Variants in TENM2 observed in about 807,000 individuals in gnomAD.
TENM2 encodes teneurin transmembrane protein 2, also known as teneurin-2.
A neutral mutation model predicts 245.2 loss-of-function variants in TENM2; 52 were observed. The observed-to-expected ratio is 0.21, with a 90% CI of 0.17 to 0.27. The LOEUF (loss-of-function observed/expected upper bound fraction) is 0.27. Among genes scored for constraint, TENM2 ranks in the 10% least tolerant of loss-of-function variants. TENM2 has a pLI of 1.00. For missense variants in TENM2, 3,046 were observed against 3,666.8 expected (o/e 0.83, Z 4.37); for synonymous variants, 1,363 against 1,438.9 (o/e 0.95, Z 1.19).
chr5:168,191,400 C>T (rs1040565096), intron 14 of TENM2, among the ~76,000 whole-genome samples: 2 of 152,110 alleles, frequency 1.3e-5, no homozygotes, highest in Non-Finnish European at 2.9e-5. Context: ...ATGGCTTGGC[C>T]ATGCTTGATC....
At chr5:167,492,464 T>C (rs1338997590) in intron 2 of TENM2, among the ~76,000 whole-genome samples, 2 of 152,138 alleles carry the variant, frequency 1.3e-5, no homozygotes, top group African/African-American at 4.8e-5. Flanking sequence ...GAAGAATCAA[T>C]GGATGTTAGC....
chr5:167,902,840 ATTTG>A (rs1775815220), intron 3 of TENM2, among the ~76,000 whole-genome samples: 1 of 152,172 alleles, frequency 6.6e-6, no homozygotes, highest in African/African-American at 2.4e-5. Context: ...GGTTGGCTGT[ATTTG>A]TTCTGAACAG....
chr5:167,076,083 G>A, the TENM2 span, among the ~76,000 whole-genome samples: 1 of 152,076 alleles, frequency 6.6e-6, no homozygotes, highest in Non-Finnish European at 1.5e-5. Flanking sequence ...GTATCCTAAG[G>A]TATACAGCTT....
At chr5:168,092,149 T>C (rs1792998687) in intron 8 of TENM2, among the ~76,000 whole-genome samples, 1 of 152,230 alleles carries the variant, frequency 6.6e-6, no homozygotes, top group African/African-American at 2.4e-5. Flanking sequence ...TAATCCAACC[T>C]GAAATTCAGG....
At chr5:167,177,928 C>T in the TENM2 span, among the ~76,000 whole-genome samples, 1 of 152,196 alleles carries the variant, frequency 6.6e-6, no homozygotes, top group Admixed American at 6.5e-5. Flanking sequence ...CGCAAAGCCT[C>T]AAAGTCTCAG....
rs115260004 is a variant in TENM2, at chr5:167,370,430, G to C, written c.227-4768G>C. ...TACGATCAAGAAAAGACAATTTAACGTCCAAGATATTTATCAAGAGAGTTA... is the reference window on the plus strand; with the variant it reads ...TACGATCAAGAAAAGACAATTTAACCTCCAAGATATTTATCAAGAGAGTTA... On this transcript the variant is annotated intron_variant, in intron 1 of 28. Transcript: ENST00000518659. Among the ~76,000 whole-genome samples, 9 of 149,804 alleles carry C rather than the reference G, an allele frequency of 6.0e-5. No individual in the cohort carries two copies. In the South Asian group the frequency reaches 1.9e-3, roughly 32 times the overall value.
intron 2 of TENM2, among the ~76,000 whole-genome samples, chr5:167,850,780 T>C (rs1232677191): frequency 1.3e-5 from 2 of 152,190 alleles, no homozygotes; most frequent in African/African-American, 2.4e-5. Context: ...GAAAGAAACC[T>C]GGACCCTCAA....
intron 2 of TENM2, among the ~76,000 whole-genome samples, chr5:167,695,903 G>A (rs1214034894): frequency 4.0e-5 from 6 of 151,882 alleles, no homozygotes; most frequent in Admixed American, 1.3e-4. Flanking sequence ...GTGTTGTGGC[G>A]GACACCTGTA....
At chr5:167,386,670 A>G (rs951668502) in intron 2 of TENM2, among the ~76,000 whole-genome samples, 1 of 152,182 alleles carries the variant, frequency 6.6e-6, no homozygotes, top group Non-Finnish European at 1.5e-5. Flanking sequence ...TCCTTAATCC[A>G]TCTTGAGATG....
intron 24 of TENM2, 43 bp from the exon 27 acceptor site, chr5:168,227,852 A>T (rs747487745): frequency 7.7e-7 from 1 of 1,294,960 alleles, no homozygotes; most frequent in Middle Eastern, 1.9e-4. Flanking sequence ...AATAGAGCGG[A>T]TAATTTATTT....
intron 2 of TENM2, among the ~76,000 whole-genome samples, chr5:167,807,666 T>C (rs920069587): frequency 2.7e-5 from 4 of 149,620 alleles, no homozygotes; most frequent in East Asian, 1.9e-4. Flanking sequence ...AAATATGACA[T>C]GTGTGACTTA....
chr5:167,208,209 C>T, the TENM2 span, among the ~76,000 whole-genome samples: 1 of 152,190 alleles, frequency 6.6e-6, no homozygotes, highest in Non-Finnish European at 1.5e-5. Flanking sequence ...TTGGTGTGTA[C>T]ATTCTTAGTT....
chr5:167,115,045 G>A, the TENM2 span, among the ~76,000 whole-genome samples: 1 of 152,212 alleles, frequency 6.6e-6, no homozygotes, highest in African/African-American at 2.4e-5. Flanking sequence ...AAAAAACAAA[G>A]TCATCCCTGC....
At chr5:168,070,618 C>CAAA (rs36098821) in intron 7 of TENM2, among the ~76,000 whole-genome samples, 4 of 132,868 alleles carry the variant, frequency 3.0e-5, no homozygotes, top group African/African-American at 5.6e-5. Flanking sequence ...TCATCTCTAC[C>CAAA]AAAAAAAAAA....
chr5:167,539,553 G>C (rs1032807484), intron 2 of TENM2, among the ~76,000 whole-genome samples: 1 of 152,182 alleles, frequency 6.6e-6, no homozygotes, highest in Non-Finnish European at 1.5e-5. Flanking sequence ...GTATAAGAAA[G>C]GAAGAGAAGT....
At chr5:167,615,078 G>C (rs1195182907) in intron 2 of TENM2, among the ~76,000 whole-genome samples, 1 of 152,100 alleles carries the variant, frequency 6.6e-6, no homozygotes, top group East Asian at 1.9e-4. Flanking sequence ...ACTGCATGGA[G>C]CTCCTGACAA....
At chr5:167,922,388 C>T (rs1651580433) in intron 3 of TENM2, among the ~76,000 whole-genome samples, 1 of 129,630 alleles carries the variant, frequency 7.7e-6, no homozygotes, top group African/African-American at 3.7e-5. Flanking sequence ...TTTCCAGCCC[C>T]TCTATCATGA....
At chr5:167,153,098 T>TACACACACAC in the TENM2 span, among the ~76,000 whole-genome samples, 8 of 147,354 alleles carry the variant, frequency 5.4e-5, no homozygotes, top group African/African-American at 1.8e-4. Flanking sequence ...AATGAATACA[T>TACACACACAC]ACACACACAC....
chr5:167,693,266 G>T (rs866549892), intron 2 of TENM2, among the ~76,000 whole-genome samples: 32 of 152,200 alleles, frequency 2.1e-4, no homozygotes, highest in Middle Eastern at 3.4e-3. Flanking sequence ...TGCCCCTATT[G>T]GTCAATAGAG....
Sources: allele counts gnomAD v4.1 joint callset (sites outside exome capture counted in the v4.1 genomes callset), GRCh38; gene constraint gnomAD v4.1.1; transcripts MANE v1.5; gene names NCBI Gene and HGNC (gene_info 2026-07-23, HGNC 2026-07-21).